The following SOX5 variants were observed in gnomAD, a reference collection of about 807,000 sequenced individuals.
SOX5 encodes SRY-box transcription factor 5.
Under a neutral mutation model 92.0 loss-of-function variants are expected in SOX5, and 9 were observed. The observed-to-expected ratio is 0.10, with a 90% confidence interval of 0.06 to 0.17. The LOEUF is 0.17. Ranked by LOEUF, SOX5 falls within the 10% of genes least tolerant of loss-of-function variation. The pLI is 1.00. For synonymous variants in SOX5, 344 were observed against 336.3 expected (o/e 1.02, Z -0.25); for missense variants, 642 against 944.5 (o/e 0.68, Z 4.20).
chr12:23,995,264 A>G (rs1950927045), intron 4 of SOX5, among the ~76,000 whole-genome samples: 1 of 152,230 alleles, frequency 6.6e-6, no homozygotes, highest in Admixed American at 6.5e-5. Flanking sequence ...AGCAAGATAG[A>G]TTATGACTCT....
intron 1 of SOX5, among the ~76,000 whole-genome samples, chr12:24,423,073 TTATC>T (rs1259127445): frequency 1.3e-5 from 2 of 152,174 alleles, no homozygotes; most frequent in African/African-American, 4.8e-5. Flanking sequence ...TTTGAAAATG[TTATC>T]TATATTTGGT....
chr12:24,252,558 A>C (rs1201682320), intron 3 of SOX5, among the ~76,000 whole-genome samples: 2 of 152,242 alleles, frequency 1.3e-5, no homozygotes, highest in African/African-American at 4.8e-5. Context: ...ATTTGCATTT[A>C]ATTTGATGTC....
intron 6 of SOX5, among the ~76,000 whole-genome samples, chr12:23,677,183 C>A (rs979077032): frequency 6.6e-6 from 1 of 152,034 alleles, no homozygotes; most frequent in African/African-American, 2.4e-5. Flanking sequence ...GATTCAATTT[C>A]CCCCCACCCT....
intron 4 of SOX5, among the ~76,000 whole-genome samples, chr12:24,109,316 A>C (rs1947052670): frequency 6.6e-6 from 1 of 152,174 alleles, no homozygotes; most frequent in African/African-American, 2.4e-5. Flanking sequence ...TGAGAAAACC[A>C]CAAAATAATT....
intron 4 of SOX5, among the ~76,000 whole-genome samples, chr12:24,012,259 G>T (rs1185873078): frequency 2.0e-5 from 3 of 152,150 alleles, no homozygotes; most frequent in African/African-American, 7.2e-5. Context: ...AATGAAGTAT[G>T]TTCCCTTGGC....
chr12:24,160,338 C>A (rs1295110477), intron 4 of SOX5, among the ~76,000 whole-genome samples: 1 of 151,902 alleles, frequency 6.6e-6, no homozygotes, highest in Non-Finnish European at 1.5e-5. Flanking sequence ...ATTTGCCGAG[C>A]TCCAAGCCTG....
At chr12:23,924,768 T>C (rs1020637992) in intron 1 of SOX5, among the ~76,000 whole-genome samples, 3 of 152,146 alleles carry the variant, frequency 2.0e-5, no homozygotes, top group African/African-American at 7.2e-5. Context: ...ATTATTACTA[T>C]TGACTTCAGG....
intron 4 of SOX5, among the ~76,000 whole-genome samples, chr12:24,071,508 C>T (rs1324038229): frequency 6.6e-6 from 1 of 152,170 alleles, no homozygotes; most frequent in Non-Finnish European, 1.5e-5. Context: ...GATCTCGGCT[C>T]ACTGCAAGCT....
At chr12:23,950,445 T>C (rs1230868051), upstream of SOX5, among the ~76,000 whole-genome samples, 1 of 152,222 alleles carries the variant, frequency 6.6e-6, no homozygotes, top group Non-Finnish European at 1.5e-5. Context: ...GCGAACGTCC[T>C]GGCAACCCGA....
chr12:24,235,965 A>C (rs576364910), intron 3 of SOX5, among the ~76,000 whole-genome samples: 2 of 152,250 alleles, frequency 1.3e-5, no homozygotes, highest in East Asian at 3.9e-4. Flanking sequence ...CAAGGTGGGC[A>C]GATCACAAGG....
intron 2 of SOX5, among the ~76,000 whole-genome samples, chr12:24,335,000 T>C (rs1387322884): frequency 6.6e-6 from 1 of 152,170 alleles, no homozygotes; most frequent in African/African-American, 2.4e-5. Context: ...TTTACATTAT[T>C]CCTTATTTTC....
rs527405950 is a variant in SOX5 at position 23,822,064 on chromosome 12, C to CA, written c.481+23918dup. 1.8e-3 allele frequency among the ~76,000 whole-genome samples: 270 copies of CA among 152,084 alleles called. 1 individual carries two copies. Among genetic ancestry groups the CA allele is most frequent in the African/African-American group, 6.2e-3 (257 of 41,486 alleles). Reference sequence around the variant, plus strand: ...AGTCTATCTATTTTGTTAATCTTTTCAAAAAACCAGCTCCTAGATTCATTG... The same window carrying CA: ...AGTCTATCTATTTTGTTAATCTTTTCAAAAAAACCAGCTCCTAGATTCATTG... On this transcript the variant is annotated intron_variant, in intron 3 of 14. Coordinates refer to ENST00000451604, the MANE Select transcript of SOX5 (RefSeq NM_006940.6).
intron 1 of SOX5, among the ~76,000 whole-genome samples, chr12:23,914,910 G>A (rs12368522): frequency 0.21 from 32,523 of 151,894 alleles, 4,575 homozygotes; most frequent in East Asian, 0.71. Flanking sequence ...GTTTACTATT[G>A]GATTGTAAAC....
At chr12:24,319,070 C>T (rs960503511) in intron 2 of SOX5, among the ~76,000 whole-genome samples, 3 of 152,220 alleles carry the variant, frequency 2.0e-5, no homozygotes, top group African/African-American at 4.8e-5. Flanking sequence ...TTGTCTTCTA[C>T]CACTCCTGAG....
chr12:23,714,439 T>C (rs530308950), intron 6 of SOX5, among the ~76,000 whole-genome samples: 2 of 152,272 alleles, frequency 1.3e-5, no homozygotes, highest in African/African-American at 4.8e-5. Context: ...GTGGCCAACA[T>C]GGCGAAACCC....
chr12:23,653,048 A>C (rs1171658708), intron 7 of SOX5, among the ~76,000 whole-genome samples: 2 of 151,336 alleles, frequency 1.3e-5, no homozygotes, highest in African/African-American at 4.9e-5. Context: ...GGATGGATGG[A>C]TGGATGGATG....
At chr12:23,836,179 A>T (rs561214054) in intron 3 of SOX5, among the ~76,000 whole-genome samples, 16 of 152,042 alleles carry the variant, frequency 1.1e-4, no homozygotes, top group South Asian at 1.0e-3. Context: ...GTCATATTAA[A>T]TTTCATTGTC....
chr12:24,298,129 G>A (rs1947501324), intron 2 of SOX5, among the ~76,000 whole-genome samples: 1 of 152,146 alleles, frequency 6.6e-6, no homozygotes, highest in African/African-American at 2.4e-5. Context: ...CTGGAGTGCA[G>A]TGGCATAGTC....
At chr12:24,100,921 C>T (rs1282544844) in intron 4 of SOX5, among the ~76,000 whole-genome samples, 1 of 152,064 alleles carries the variant, frequency 6.6e-6, no homozygotes, top group Non-Finnish European at 1.5e-5. Context: ...CGGTTTTACC[C>T]TCATAATAAG....
Sources: gnomAD v4.1 joint callset for allele counts (sites outside exome capture counted in the v4.1 genomes callset) on GRCh38, gnomAD v4.1.1 for gene constraint, MANE v1.5 for transcripts, NCBI Gene and HGNC (gene_info 2026-07-23, HGNC 2026-07-21) for gene names.